Variants in GALNT16 observed in about 807,000 individuals in gnomAD.
GALNT16 encodes UDP-GalNAc:polypeptide N-acetylgalactosaminyltransferase-like protein 1.
Under a neutral mutation model 76.1 loss-of-function variants are expected in GALNT16, and 40 were observed. The ratio of observed to expected loss-of-function variants is 0.53; its 90% CI spans 0.41 to 0.68. GALNT16 has a LOEUF of 0.68. Among genes scored for constraint, GALNT16 ranks in the 30% least tolerant of loss-of-function variants. GALNT16 has a pLI of 0.00. For missense variants in GALNT16, 621 were observed against 731.9 expected, an observed-to-expected ratio of 0.85 and a Z score of 1.75; for synonymous variants, 276 against 285.2, an observed-to-expected ratio of 0.97 and a Z score of 0.32.
rs142517600 is a variant in GALNT16, at chr14:69,336,934, C to G, written c.968-1717C>G. On this transcript the variant is annotated intron_variant, in intron 9 of 14. Transcript: ENST00000448469. ...TAGAGACGGGGTTTCACCATGTGGC[C>G]CAGGCTGGTCTCGAACTCCTGAGCT... is the stretch of plus-strand genomic sequence containing the variant. Among the ~76,000 whole-genome samples, 854 of 152,144 alleles carry G rather than the reference C, an allele frequency of 5.6e-3. 4 individuals carry two copies. The highest frequency in any genetic ancestry group is 0.019 in the African/African-American group (786 of 41,502).
intron 1 of GALNT16, among the ~76,000 whole-genome samples, chr14:69,279,266 A>T (rs2044510382): frequency 1.3e-5 from 2 of 152,184 alleles, no homozygotes; most frequent in South Asian, 4.1e-4. Context: ...GTTCATTAAG[A>T]ATTTTTTGCA....
At chr14:69,282,595 T>C (rs2044558611) in intron 1 of GALNT16, among the ~76,000 whole-genome samples, 1 of 151,610 alleles carries the variant, frequency 6.6e-6, no homozygotes, top group Non-Finnish European at 1.5e-5. Flanking sequence ...GGGCCCTGTA[T>C]CTGCTCTAAG....
At chr14:69,378,269 A>G in the GALNT16 span, among the ~76,000 whole-genome samples, 1 of 152,232 alleles carries the variant, frequency 6.6e-6, no homozygotes, top group South Asian at 2.1e-4. Context: ...GGCCATTATC[A>G]AGAAATATTT....
chr14:69,264,776 TTTTC>T (rs1418607558), intron 1 of GALNT16, among the ~76,000 whole-genome samples: 3 of 151,064 alleles, frequency 2.0e-5, no homozygotes, highest in Non-Finnish European at 4.4e-5. Context: ...GATTTTTTTC[TTTTC>T]TTTCTTTTCT....
At chr14:69,290,303 GA>G (rs1362000254) in intron 1 of GALNT16, among the ~76,000 whole-genome samples, 1 of 152,222 alleles carries the variant, frequency 6.6e-6, no homozygotes, top group African/African-American at 2.4e-5. Flanking sequence ...GTTCCCAGGA[GA>G]AGGACCCTTT....
downstream of GALNT16, among the ~76,000 whole-genome samples, chr14:69,360,612 A>G (rs554354027): frequency 4.3e-5 from 5 of 116,424 alleles, no homozygotes; most frequent in East Asian, 1.4e-3. Context: ...TCTAAAAAAA[A>G]AAGAAGAAGA....
chr14:69,326,890 C>T lies in GALNT16; in HGVS notation c.568+863C>T, dbSNP rs141978774. Among the ~76,000 whole-genome samples the T allele has an allele frequency of 9.4e-3, 1,426 of 152,274 alleles. 26 individuals carry two copies. The highest frequency in any genetic ancestry group is 0.033 in the African/African-American group (1,362 of 41,542). On this transcript the variant is annotated intron_variant, in intron 5 of 14. Coordinates refer to ENST00000448469, the MANE Select transcript of GALNT16 (RefSeq NM_001168368.2). Reference sequence around the variant, plus strand: ...AGCCATGGCTCCAACCTGTGGGGCCCAACCCAAAGGCCAGCCGCCTACTCA... The same window carrying T: ...AGCCATGGCTCCAACCTGTGGGGCCTAACCCAAAGGCCAGCCGCCTACTCA...
At chr14:69,264,020 T>A (rs2044309065) in intron 1 of GALNT16, among the ~76,000 whole-genome samples, 1 of 152,234 alleles carries the variant, frequency 6.6e-6, no homozygotes, top group African/African-American at 2.4e-5. Context: ...GTCCTCACAG[T>A]TGGCGAGAAC....
At chr14:69,270,925 C>G (rs576398424) in intron 1 of GALNT16, among the ~76,000 whole-genome samples, 1 of 142,406 alleles carries the variant, frequency 7.0e-6, no homozygotes, top group African/African-American at 2.7e-5. Flanking sequence ...GCACAGCCCC[C>G]ACAAATACCG....
the GALNT16 span, among the ~76,000 whole-genome samples, chr14:69,381,511 A>G: frequency 2.0e-5 from 3 of 152,212 alleles, no homozygotes; most frequent in African/African-American, 7.2e-5. Context: ...ATCTCTAATC[A>G]GAACGAAAAG....
rs1398508914 is a variant in GALNT16 at position 69,352,906 on chromosome 14, T to C, written c.*738T>C. On this transcript the variant is annotated 3_prime_UTR_variant, in exon 15 of 15. Transcript: ENST00000448469. Reference sequence around the variant, plus strand: ...CCCGACGCTGCCTCTTCCGGTCCTGTGCCTGTGGGTGCCCACATTCTTAGC... The same window carrying C: ...CCCGACGCTGCCTCTTCCGGTCCTGCGCCTGTGGGTGCCCACATTCTTAGC... Among the ~76,000 whole-genome samples the C allele has an allele frequency of 1.3e-5, 2 of 152,210 alleles. No individual in the cohort carries two copies. Among genetic ancestry groups the C allele is most frequent in the Non-Finnish European group, 2.9e-5 (2 of 68,030 alleles).
rs767691650 is a variant in GALNT16 at position 69,260,329 on chromosome 14, C to A, written c.39C>A (p.Thr13=). 6.2e-7 allele frequency: 1 copy of A among 1,612,996 alleles called. No homozygotes were observed. The highest frequency in any genetic ancestry group is 8.5e-7 in the Non-Finnish European group (1 of 1,179,472). The change falls in exon 1 of 15, where the codon ACC becomes ACA. Residue 13 remains threonine (T), a synonymous_variant. Transcript: ENST00000448469. The part of the protein sequence containing the change: ...KIRANAIAIL[T]VAWILGTFYY... The stretch of plus-strand genomic sequence containing the variant: ...GCGCCAATGCCATCGCCATCCTGAC[C>A]GTAGCCTGGATCCTGGGCACTTTCT...
At position 69,341,699 on chromosome 14, in the gene GALNT16, G is replaced by A; in HGVS notation, c.1206G>A (p.Glu402=). ...CCTACAGTGTGGCTACGCGGATAGA[G>A]CAGAGGAAGAAGATGAACTGCAAGT... ...KAFGSVATRI[E]QRKKMNCKSF... is the part of the protein sequence containing the mutation. Residue 402 remains glutamate (E), a synonymous_variant, in exon 12 of 15, where the codon GAG becomes GAA. Coordinates refer to ENST00000448469, the MANE Select transcript of GALNT16 (RefSeq NM_001168368.2). 1 of 1,612,512 alleles carries A rather than the reference G, an allele frequency of 6.2e-7. No homozygotes were observed. The highest frequency in any genetic ancestry group is 8.5e-7 in the Non-Finnish European group (1 of 1,178,974).
At chr14:69,305,354 G>A (rs1036542420) in intron 1 of GALNT16, among the ~76,000 whole-genome samples, 4 of 151,926 alleles carry the variant, frequency 2.6e-5, no homozygotes, top group African/African-American at 9.7e-5. Flanking sequence ...GTAGAGACAG[G>A]GTTTCATTGT....
At chr14:69,320,474 T>G (rs2045161279) in intron 1 of GALNT16, among the ~76,000 whole-genome samples, 2 of 141,936 alleles carry the variant, frequency 1.4e-5, no homozygotes, top group Non-Finnish European at 3.1e-5. Context: ...GGTGACAGAA[T>G]AAGACCCTGT....
rs1047142266 is a variant in GALNT16 at position 69,262,745 on chromosome 14, G to A, written c.177+2278G>A. Among the ~76,000 whole-genome samples the A allele has an allele frequency of 2.0e-5, 3 of 152,128 alleles. No homozygotes were observed. In the South Asian group the frequency reaches 6.2e-4, roughly 32 times the overall value. On this transcript the variant is annotated intron_variant, in intron 1 of 14. Coordinates refer to ENST00000448469, the MANE Select transcript of GALNT16 (RefSeq NM_001168368.2). ...AGGCACCACTTTTGACAACTGCCTTGCATTGTTTCATTGTATTCCTCTCTT... is the reference window on the plus strand; with the variant it reads ...AGGCACCACTTTTGACAACTGCCTTACATTGTTTCATTGTATTCCTCTCTT...
chr14:69,345,753 A>AGTGTGTGTGTGTGTGTGTGTGTGT (rs2045554375), intron 12 of GALNT16, among the ~76,000 whole-genome samples: 1 of 78,204 alleles, frequency 1.3e-5, no homozygotes, highest in Non-Finnish European at 3.2e-5. Flanking sequence ...TGTGTGTATA[A>AGTGTGTGTGTGTGTGTGTGTGTGT]GCATATTTTC....
chr14:69,303,712 T>TAATTTTTAC (rs1267143828), intron 1 of GALNT16, among the ~76,000 whole-genome samples: 3 of 152,218 alleles, frequency 2.0e-5, no homozygotes, highest in Non-Finnish European at 4.4e-5. Flanking sequence ...TCAAGGTCCG[T>TAATTTTTAC]AATTTTTACA....
the GALNT16 span, among the ~76,000 whole-genome samples, chr14:69,364,925 G>T: frequency 1.3e-5 from 2 of 152,116 alleles, no homozygotes; most frequent in African/African-American, 4.8e-5. This position sits in a 1 kb window ranked among gnomAD's most constrained non-coding sequence, Gnocchi z 4.2. Context: ...CAGCTCTTCA[G>T]GGTAGACACT....
Sources: allele counts gnomAD v4.1 joint callset (sites outside exome capture counted in the v4.1 genomes callset), GRCh38; gene constraint gnomAD v4.1.1; non-coding constraint Gnocchi (gnomAD v3.1); transcripts MANE v1.5; gene names NCBI Gene and HGNC (gene_info 2026-07-23, HGNC 2026-07-21).